The following RBFOX1 variants were observed in gnomAD, a reference collection of about 807,000 sequenced individuals.
RBFOX1 encodes RNA binding protein fox-1 homolog 1.
A neutral mutation model predicts 57.7 loss-of-function variants in RBFOX1; 8 were observed. That is an observed-to-expected ratio of 0.14 (90% CI 0.08 to 0.25). RBFOX1 has a LOEUF of 0.25. Among genes scored for constraint, RBFOX1 ranks in the 10% least tolerant of loss-of-function variants. RBFOX1 has a pLI of 1.00. For synonymous variants in RBFOX1, 326 were observed against 222.4 expected (o/e 1.47, Z -4.15); for missense variants, 611 against 548.5 (o/e 1.11, Z -1.14).
intron 4 of RBFOX1, among the ~76,000 whole-genome samples, chr16:5,960,369 G>C (rs2059724176): frequency 6.6e-6 from 1 of 152,124 alleles, no homozygotes; most frequent in African/African-American, 2.4e-5. Context: ...AGTGGAAGAA[G>C]GTGACCCAAA....
chr16:5,854,801 T>G (rs1287357280), intron 3 of RBFOX1, among the ~76,000 whole-genome samples: 2 of 152,192 alleles, frequency 1.3e-5, no homozygotes, highest in Non-Finnish European at 2.9e-5. Context: ...GGAACCTCCA[T>G]ACTGCTTTCC....
intron 4 of RBFOX1, among the ~76,000 whole-genome samples, chr16:7,415,167 G>A (rs1235192292): frequency 1.3e-5 from 2 of 152,176 alleles, no homozygotes; most frequent in African/African-American, 4.8e-5. Flanking sequence ...ATATTGCCAT[G>A]CCCCATGGCT....
intron 4 of RBFOX1, among the ~76,000 whole-genome samples, chr16:7,486,742 G>C (rs1247706782): frequency 6.6e-6 from 1 of 152,120 alleles, no homozygotes; most frequent in Non-Finnish European, 1.5e-5. Flanking sequence ...CTGAGGTCTA[G>C]GGGAATAGAC....
chr16:6,459,984 C>CAAAAAAAAAAAAAAAAAAAA (rs149424076), intron 2 of RBFOX1, among the ~76,000 whole-genome samples: 17 of 47,672 alleles, frequency 3.6e-4, no homozygotes, highest in Admixed American at 8.2e-4. Flanking sequence ...AACTCCATCT[C>CAAAAAAAAAAAAAAAAAAAA]AAAAAAAAAA....
chr16:5,716,979 G>C (rs1036039251), intron 3 of RBFOX1, among the ~76,000 whole-genome samples: 5 of 152,122 alleles, frequency 3.3e-5, no homozygotes, highest in South Asian at 4.1e-4. Flanking sequence ...ATGAGTTCAA[G>C]GTTTCCTCCT....
At chr16:6,569,271 C>G (rs1269796238) in intron 2 of RBFOX1, among the ~76,000 whole-genome samples, 1 of 152,164 alleles carries the variant, frequency 6.6e-6, no homozygotes, top group Non-Finnish European at 1.5e-5. Context: ...CTCAAAACAA[C>G]AAACATTTCT....
In RBFOX1 at chr16:5,956,949, C is replaced by T. The variant is rs372719757; in HGVS notation, c.351+89614C>T. Reference sequence around the variant, plus strand: ...ATCCCAAAGTGCTAGGGATTACATGCCTGAGCCACTGCGCCCAGCCTGCAA... The same window carrying T: ...ATCCCAAAGTGCTAGGGATTACATGTCTGAGCCACTGCGCCCAGCCTGCAA... On this transcript the variant is annotated intron_variant, in intron 4 of 19. Transcript: ENST00000641259. 2.0e-5 allele frequency among the ~76,000 whole-genome samples: 3 copies of T among 151,824 alleles called. No individual in the cohort carries two copies. The South Asian group carries it at 6.3e-4, about 32-fold the overall frequency.
chr16:5,910,930 C>T (rs893508979), intron 4 of RBFOX1, among the ~76,000 whole-genome samples: 7 of 152,140 alleles, frequency 4.6e-5, no homozygotes, highest in African/African-American at 1.7e-4. Context: ...CTCTGACTCT[C>T]CTCCCTGTGT....
At chr16:6,507,371 C>T (rs762537974) in intron 2 of RBFOX1, among the ~76,000 whole-genome samples, 6 of 151,914 alleles carry the variant, frequency 3.9e-5, no homozygotes, top group Non-Finnish European at 8.8e-5. Context: ...ATTATTCAAC[C>T]TTAAAAGGGA....
intron 10 of RBFOX1, among the ~76,000 whole-genome samples, chr16:7,627,402 T>C (rs146112819): frequency 5.2e-4 from 79 of 152,292 alleles, no homozygotes; most frequent in Middle Eastern, 3.4e-3. Flanking sequence ...GGTAGTGGTA[T>C]AAATTGACCC....
At chr16:6,672,371 G>C (rs1029265353) in intron 3 of RBFOX1, among the ~76,000 whole-genome samples, 5 of 151,068 alleles carry the variant, frequency 3.3e-5, no homozygotes, top group African/African-American at 1.2e-4. Flanking sequence ...AGAGAAGAGG[G>C]AGAAAGAGAG....
intron 2 of RBFOX1, among the ~76,000 whole-genome samples, chr16:6,473,975 G>A (rs186577483): frequency 6.6e-5 from 10 of 152,278 alleles, no homozygotes; most frequent in Admixed American, 3.9e-4. Flanking sequence ...CCAGTTACTA[G>A]AGATAGTAAT....
intron 4 of RBFOX1, among the ~76,000 whole-genome samples, chr16:7,230,273 A>T (rs533033882): frequency 6.6e-6 from 1 of 152,130 alleles, no homozygotes; most frequent in East Asian, 1.9e-4. Context: ...AAACAAACAG[A>T]AAGTACCTGC....
chr16:6,415,863 A>C (rs1423338022), intron 2 of RBFOX1, among the ~76,000 whole-genome samples: 1 of 152,182 alleles, frequency 6.6e-6, no homozygotes, highest in Non-Finnish European at 1.5e-5. Context: ...TCGGTGTGAA[A>C]AATAAGAAAC....
At position 6,042,261 on chromosome 16, in the gene RBFOX1, C is replaced by G. The variant is rs142844409; in HGVS notation, c.-127+22269C>G. Among the ~76,000 whole-genome samples, 195 of 152,010 alleles carry G rather than the reference C, an allele frequency of 1.3e-3. 1 individual carries two copies. Among genetic ancestry groups the G allele is most frequent in the African/African-American group, 4.5e-3 (186 of 41,450 alleles). On this transcript the variant is annotated intron_variant, in intron 1 of 15. Coordinates refer to ENST00000550418, the MANE Select transcript of RBFOX1 (RefSeq NM_018723.4). ...GACTACAGGCACACACCACCATGCC[C>G]AGTTAATTTTTGTATTTTTAGTAGA... is the stretch of plus-strand genomic sequence containing the variant.
At chr16:6,687,088 C>G (rs1055374803) in intron 3 of RBFOX1, among the ~76,000 whole-genome samples, 2 of 152,146 alleles carry the variant, frequency 1.3e-5, no homozygotes, top group Admixed American at 6.6e-5. Flanking sequence ...CTGAAAGAAT[C>G]ACACTTACAG....
intron 1 of RBFOX1, among the ~76,000 whole-genome samples, chr16:6,080,596 C>T (rs1165087696): frequency 6.6e-6 from 1 of 152,156 alleles, no homozygotes; most frequent in Non-Finnish European, 1.5e-5. Flanking sequence ...AGATTCTTTA[C>T]ATCAAATGAC....
intron 1 of RBFOX1, among the ~76,000 whole-genome samples, chr16:5,386,395 C>T (rs753765971): frequency 4.6e-5 from 7 of 152,120 alleles, no homozygotes; most frequent in African/African-American, 9.7e-5. Flanking sequence ...GTGATTAATG[C>T]ACGTGGCCCA....
intron 1 of RBFOX1, among the ~76,000 whole-genome samples, chr16:5,245,187 G>C (rs2062267004): frequency 6.6e-6 from 1 of 152,196 alleles, no homozygotes; most frequent in Non-Finnish European, 1.5e-5. Flanking sequence ...GATGTGTGGA[G>C]TCCGGTGCCT....
Sources: allele counts gnomAD v4.1 joint callset (sites outside exome capture counted in the v4.1 genomes callset), GRCh38; gene constraint gnomAD v4.1.1; transcripts MANE v1.5; gene names NCBI Gene and HGNC (gene_info 2026-07-23, HGNC 2026-07-21).